The following SLC4A4 variants were observed in gnomAD, a reference collection of about 807,000 sequenced individuals.
SLC4A4 encodes the protein solute carrier family 4 member 4, also known as electrogenic sodium bicarbonate cotransporter 1.
SLC4A4 carries 27 observed loss-of-function variants against 111.5 expected under a neutral mutation model. The observed-to-expected ratio is 0.24, with a 90% CI of 0.18 to 0.33. The LOEUF (loss-of-function observed/expected upper bound fraction) is 0.33. SLC4A4 is among the 10% of genes least tolerant of loss of function. The probability of loss-of-function intolerance (pLI) is 1.00; values close to 1 mark genes in which losing one functional copy is unlikely to be tolerated. For synonymous variants in SLC4A4, 443 were observed against 463.4 expected, an observed-to-expected ratio of 0.96 and a Z score of 0.57; for missense variants, 909 against 1,315.5, an observed-to-expected ratio of 0.69 and a Z score of 4.78.
chr4:71,525,537 G>T (rs1437027388), intron 16 of SLC4A4, among the ~76,000 whole-genome samples: 1 of 151,916 alleles, frequency 6.6e-6, no homozygotes, highest in African/African-American at 2.4e-5. Flanking sequence ...ATCTTAATTT[G>T]TGTTCTCTTA....
chr4:71,097,173 C>T (rs1037494682), intron 2 of SLC4A4, among the ~76,000 whole-genome samples: 17 of 152,104 alleles, frequency 1.1e-4, no homozygotes, highest in African/African-American at 4.1e-4. Context: ...CTCCCTCCTC[C>T]CATCATCCAC....
chr4:71,178,583 G>A (rs147073830), intron 2 of SLC4A4, among the ~76,000 whole-genome samples: 2,863 of 152,214 alleles, frequency 0.019, 37 homozygotes, highest in Non-Finnish European at 0.027. Flanking sequence ...ACACCTTTAC[G>A]CAAATAAACT....
chr4:71,339,386 ACGCATCCGATTCAT>A lies in SLC4A4; in HGVS notation c.272_285del (p.Arg91LeufsTer6). 1 of 1,614,130 alleles carries A rather than the reference ACGCATCCGATTCAT, an allele frequency of 6.2e-7. No individual in the cohort carries two copies. The highest frequency in any genetic ancestry group is 8.5e-7 in the Non-Finnish European group (1 of 1,180,010). On this transcript the variant is annotated frameshift_variant, in exon 4 of 26. Transcript: ENST00000264485. LOFTEE classifies it high-confidence loss of function. ...CTTCTGCAGTCTCTCCTGCTGCAGA[ACGCATCCGATTCAT>A]CTTGGGAGAGGAGGATGACAGCCCA...
At chr4:71,141,972 A>G (rs1243364482) in intron 2 of SLC4A4, among the ~76,000 whole-genome samples, 2 of 152,224 alleles carry the variant, frequency 1.3e-5, no homozygotes, top group African/African-American at 4.8e-5. Flanking sequence ...GCCCTACAAT[A>G]TAATAGCACT....
intron 14 of SLC4A4, 134 bp downstream of exon 14, chr4:71,473,104 T>C (rs755379450): frequency 2.0e-6 from 2 of 1,018,566 alleles, no homozygotes; most frequent in Admixed American, 1.9e-5. Context: ...AAAACTCTGC[T>C]ACTGAATTTG....
At chr4:71,215,387 T>A (rs1202843858) in intron 1 of SLC4A4, among the ~76,000 whole-genome samples, 1 of 152,220 alleles carries the variant, frequency 6.6e-6, no homozygotes, top group Admixed American at 6.5e-5. Context: ...CAAATAATAC[T>A]CTACTCTCAG....
chr4:71,460,756 A>C (rs901974202), intron 12 of SLC4A4, among the ~76,000 whole-genome samples: 2 of 152,176 alleles, frequency 1.3e-5, no homozygotes, highest in African/African-American at 4.8e-5. Context: ...GGGGAGGTAC[A>C]TCTCACATTT....
At chr4:71,517,998 G>A (rs1399344689) in intron 16 of SLC4A4, among the ~76,000 whole-genome samples, 1 of 152,164 alleles carries the variant, frequency 6.6e-6, no homozygotes, top group Non-Finnish European at 1.5e-5. Flanking sequence ...AGTGGTCCAG[G>A]AGCCTTGGTT....
intron 6 of SLC4A4, among the ~76,000 whole-genome samples, chr4:71,370,376 C>T (rs150962229): frequency 1.3e-5 from 2 of 152,308 alleles, no homozygotes; most frequent in Admixed American, 1.3e-4. Flanking sequence ...CTCTAACACT[C>T]ACATGATTCT....
chr4:71,392,714 A>G (rs903669749), intron 6 of SLC4A4, among the ~76,000 whole-genome samples: 1 of 152,162 alleles, frequency 6.6e-6, no homozygotes, highest in African/African-American at 2.4e-5. Flanking sequence ...ATAATCAAAA[A>G]AGACAACTAC....
chr4:71,331,530 A>G lies in SLC4A4; in HGVS notation c.254-7840A>G, dbSNP rs1007637632. 3.5e-5 allele frequency among the ~76,000 whole-genome samples: 5 copies of G among 142,492 alleles called. No homozygotes were observed. The Admixed American group carries it at 3.6e-4, about 10-fold the overall frequency. The allele number at this position is 142,492 out of a possible 152,430, so 93.5% of individuals were successfully genotyped here. On this transcript the variant is annotated intron_variant, in intron 3 of 25. Transcript: ENST00000264485. ...CTCACTCACAGGTGGGAATTGAACA[A>G]TGAGAACCCTTGGACACAGGAAGGG...
chr4:71,226,470 T>G (rs1462079745), intron 1 of SLC4A4, among the ~76,000 whole-genome samples: 1 of 152,232 alleles, frequency 6.6e-6, no homozygotes, highest in Non-Finnish European at 1.5e-5. Context: ...TCATTTGAAT[T>G]TAATTTGACC....
chr4:71,164,397 A>G (rs1166519865), intron 2 of SLC4A4, among the ~76,000 whole-genome samples: 7 of 151,752 alleles, frequency 4.6e-5, no homozygotes, highest in Admixed American at 2.0e-4. Context: ...AAAAAAAAAA[A>G]GCATTATTTT....
In SLC4A4 at chr4:71,536,485, T is replaced by TATATATATATATAA. The variant is rs760037325; in HGVS notation, c.2442+2099_2442+2100insATATATATATAAAT. 4.6e-3 allele frequency among the ~76,000 whole-genome samples: 385 copies of TATATATATATATAA among 83,774 alleles called. 2 individuals are homozygous for TATATATATATATAA. Among genetic ancestry groups the TATATATATATATAA allele is most frequent in the African/African-American group, 8.0e-3 (159 of 19,786 alleles). The allele number at this position is 83,774 out of a possible 152,430, so 55.0% of individuals were successfully genotyped here. On this transcript the variant is annotated intron_variant, in intron 18 of 25. Coordinates refer to ENST00000264485, the MANE Select transcript of SLC4A4 (RefSeq NM_001098484.3). ...ATATACATATATATATATATATATATATGTATATATTTATTTATTTATTTA... is the reference window on the plus strand; with the variant it reads ...ATATACATATATATATATATATATATATATATATATATAAATGTATATATTTATTTATTTATTTA...
chr4:71,271,099 T>C (rs1722675220), intron 3 of SLC4A4, among the ~76,000 whole-genome samples: 1 of 152,192 alleles, frequency 6.6e-6, no homozygotes, highest in South Asian at 2.1e-4. Flanking sequence ...TGCTGCACCA[T>C]AGATTATGTC....
intron 2 of SLC4A4, among the ~76,000 whole-genome samples, chr4:71,126,088 G>A (rs1743556061): frequency 6.6e-6 from 1 of 152,036 alleles, no homozygotes; most frequent in South Asian, 2.1e-4. Context: ...ATCAAAATTT[G>A]TTTTTTATAG....
chr4:71,333,037 T>C (rs1728146383), intron 3 of SLC4A4, among the ~76,000 whole-genome samples: 1 of 152,228 alleles, frequency 6.6e-6, no homozygotes, highest in Non-Finnish European at 1.5e-5. Context: ...TTGGTTTGTT[T>C]GGTGAGGTCA....
At chr4:71,089,301 A>AT (rs908303883) in intron 1 of SLC4A4, among the ~76,000 whole-genome samples, 3 of 151,514 alleles carry the variant, frequency 2.0e-5, no homozygotes, top group East Asian at 3.9e-4. Context: ...CATTTGTCTA[A>AT]TTTTTTTTCA....
At chr4:71,320,536 A>G (rs920108089) in intron 3 of SLC4A4, among the ~76,000 whole-genome samples, 3 of 152,008 alleles carry the variant, frequency 2.0e-5, no homozygotes, top group South Asian at 2.1e-4. Flanking sequence ...CCTTCTCACG[A>G]AAGAGAGGTG....
Sources: allele counts gnomAD v4.1 joint callset (sites outside exome capture counted in the v4.1 genomes callset), GRCh38; gene constraint gnomAD v4.1.1; transcripts MANE v1.5; gene names NCBI Gene and HGNC (gene_info 2026-07-23, HGNC 2026-07-21).